The following CEP152 variants were observed in gnomAD, a reference collection of about 807,000 sequenced individuals.
The protein encoded by CEP152 is centrosomal protein 152.
A neutral mutation model predicts 188.9 loss-of-function variants in CEP152; 132 were observed. That is an observed-to-expected ratio of 0.70 (90% CI 0.61 to 0.81). The LOEUF (loss-of-function observed/expected upper bound fraction) is 0.81, where lower values mean the gene tolerates loss of function less well. Ranked by LOEUF, CEP152 falls within the 30% of genes least tolerant of loss-of-function variation. CEP152 has a pLI of 0.00. For missense variants in CEP152, 1,914 were observed against 1,969.8 expected, an observed-to-expected ratio of 0.97 and a Z score of 0.54; for synonymous variants, 649 against 666.6, an observed-to-expected ratio of 0.97 and a Z score of 0.41.
At chr15:48,794,306 T>C (rs1443254553) in intron 6 of CEP152, among the ~76,000 whole-genome samples, 2 of 152,208 alleles carry the variant, frequency 1.3e-5, no homozygotes, top group Non-Finnish European at 2.9e-5. Context: ...AACTACATAA[T>C]GATAAATATT....
chr15:48,789,803 C>A (rs1264930660), intron 8 of CEP152, among the ~76,000 whole-genome samples: 2 of 152,174 alleles, frequency 1.3e-5, no homozygotes, highest in African/African-American at 4.8e-5. Context: ...AATGGATTCT[C>A]CCCTAAAGCC....
intron 13 of CEP152, among the ~76,000 whole-genome samples, chr15:48,770,257 T>A (rs1895435740): frequency 6.6e-6 from 1 of 152,176 alleles, no homozygotes; most frequent in Non-Finnish European, 1.5e-5. Flanking sequence ...GGTGGGCAGA[T>A]CACTTGAGTC....
chr15:48,790,191 T>C (rs537310998), intron 8 of CEP152, among the ~76,000 whole-genome samples: 172 of 152,358 alleles, frequency 1.1e-3, no homozygotes, highest in African/African-American at 3.9e-3. Context: ...ATCCATCCAC[T>C]GAATGACACA....
chr15:48,762,591 T>C lies in CEP152; in HGVS notation c.2362A>G (p.Thr788Ala), dbSNP rs587783420. Residue 788 changes from threonine (T) to alanine (A), a missense_variant, in exon 18 of 27, where the codon ACC (threonine) becomes GCC (alanine). By Grantham distance (58) the Thr-to-Ala change is moderately conservative. Transcript: ENST00000380950. ...DQTIKAMKKKTLDCGSQTDQV... is the reference protein window; with the variant it reads ...DQTIKAMKKKALDCGSQTDQV... ...TCAGTTTGGCTGCCACAATCTAAGGTCTTCTTTTTCATTGCCTTTATAGTT... is the reference window on the plus strand; with the variant it reads ...TCAGTTTGGCTGCCACAATCTAAGGCCTTCTTTTTCATTGCCTTTATAGTT... 2 of 1,613,934 alleles carry C rather than the reference T, an allele frequency of 1.2e-6. No individual in the cohort carries two copies. Among genetic ancestry groups the C allele is most frequent in the Admixed American group, 1.7e-5 (1 of 60,004 alleles).
intron 19 of CEP152, among the ~76,000 whole-genome samples, chr15:48,758,620 G>C (rs1894445867): frequency 6.7e-6 from 1 of 150,208 alleles, no homozygotes; most frequent in African/African-American, 2.5e-5. Context: ...TTGGGAGGCA[G>C]AGGCAGGAGA....
Position 48,738,643 on chromosome 15 carries a change from G to T in CEP152, c.4739C>A (p.Thr1580Asn), listed in dbSNP as rs765028723. ...TGCTTCACGACTGTCAAAGGATAAG[G>T]TTGCACTGCTGGAAGGCCAGCCCAA... ...DCLGWPSSSA[T>N]LSFDSREASF... The change falls in exon 27 of 27, where the codon ACC becomes AAC. Residue 1580 changes from threonine (T) to asparagine (N), a missense_variant. Physicochemically the swap from Thr to Asn is moderately conservative, Grantham distance 65. Transcript: ENST00000380950. 27 of 1,614,028 alleles carry T rather than the reference G, an allele frequency of 1.7e-5. No homozygotes were observed. Among genetic ancestry groups the T allele is most frequent in the Non-Finnish European group, 2.2e-5 (26 of 1,180,030 alleles).
Position 48,793,359 on chromosome 15 carries a change from TG to T in CEP152, c.793del (p.Gln265LysfsTer5), listed in dbSNP as rs1214135201. 1.2e-6 allele frequency: 2 copies of T among 1,613,956 alleles called. No individual in the cohort carries two copies. The highest frequency in any genetic ancestry group is 1.7e-6 in the Non-Finnish European group (2 of 1,180,000). On this transcript the variant is annotated frameshift_variant, in exon 7 of 27. Coordinates refer to ENST00000380950, the MANE Select transcript of CEP152 (RefSeq NM_001194998.2). LOFTEE classifies it high-confidence loss of function. ...LIEKLNESER[Q>X]IRYLNHQLVI... ...AAGCTGGTGATTCAGATATCGAATT[TG>T]ACGTTCACTTTCATTTAACTTTTCA...
At chr15:48,785,085 T>A (rs1479365601) in intron 9 of CEP152, among the ~76,000 whole-genome samples, 1 of 152,062 alleles carries the variant, frequency 6.6e-6, no homozygotes, top group Non-Finnish European at 1.5e-5. Flanking sequence ...AGAAGAATAC[T>A]GAGAAAGGGC....
chr15:48,788,436 C>T (rs969628777), intron 9 of CEP152, among the ~76,000 whole-genome samples: 5 of 146,524 alleles, frequency 3.4e-5, no homozygotes, highest in East Asian at 4.2e-4. Flanking sequence ...CGGGTTCAAG[C>T]AATTCTCCTG....
At chr15:48,755,861 A>G (rs779689504) in intron 20 of CEP152, 42 bp downstream of exon 20, 28 of 1,610,924 alleles carry the variant, frequency 1.7e-5, no homozygotes, top group Non-Finnish European at 2.5e-6. Context: ...TTCTATAATC[A>G]TTCTTGGTGT....
At chr15:48,786,830 A>G (rs1467097047) in intron 9 of CEP152, among the ~76,000 whole-genome samples, 1 of 152,180 alleles carries the variant, frequency 6.6e-6, no homozygotes, top group Admixed American at 6.5e-5. Flanking sequence ...GAGTTCTTCT[A>G]TTGAAGGGGG....
chr15:48,779,301 C>T (rs890855774), intron 12 of CEP152, among the ~76,000 whole-genome samples: 6 of 152,172 alleles, frequency 3.9e-5, no homozygotes, highest in African/African-American at 1.4e-4. Context: ...GGTTCTGCTA[C>T]TAATTGTCTG....
chr15:48,810,692 G>T (rs1410433328), intron 1 of CEP152: 1 of 152,408 alleles, frequency 6.6e-6, no homozygotes, highest in African/African-American at 2.4e-5. Context: ...CCAAGGCGGG[G>T]TCCGCAGAGT....
chr15:48,786,722 G>C (rs531818117), intron 9 of CEP152, among the ~76,000 whole-genome samples: 18 of 152,222 alleles, frequency 1.2e-4, no homozygotes, highest in Non-Finnish European at 2.6e-4. Context: ...GGCAAAGAAC[G>C]TAACAGTGGG....
chr15:48,733,914 C>G (rs1892508371), downstream of CEP152, among the ~76,000 whole-genome samples: 1 of 151,822 alleles, frequency 6.6e-6, no homozygotes, highest in Non-Finnish European at 1.5e-5. Context: ...ACATACTGTC[C>G]TTCATATATA....
chr15:48,756,252 T>G lies in CEP152; in HGVS notation c.2996A>C (p.Glu999Ala), dbSNP rs1894252317. ...KINEVLAAAK[E>A]DFMKQKTELL... Reference sequence around the variant, plus strand: ...TTCAGTTTTTTGTTTCATAAAGTCTTCTTTAGCTGCCGCAAGCACCTCATT... The same window carrying G: ...TTCAGTTTTTTGTTTCATAAAGTCTGCTTTAGCTGCCGCAAGCACCTCATT... The change falls in exon 20 of 27, where the codon GAA becomes GCA. Residue 999 changes from glutamate (E) to alanine (A), a missense_variant. Glu to Ala is a moderately radical substitution (Grantham distance 107, BLOSUM62 -1). Coordinates refer to ENST00000380950, the MANE Select transcript of CEP152 (RefSeq NM_001194998.2). The G allele has an allele frequency of 1.2e-6, 2 of 1,602,474 alleles. No homozygotes were observed. The highest frequency in any genetic ancestry group is 2.7e-5 in the African/African-American group (2 of 74,336).
intron 18 of CEP152, among the ~76,000 whole-genome samples, chr15:48,760,499 T>C (rs1178805177): frequency 6.6e-6 from 1 of 152,194 alleles, no homozygotes; most frequent in Non-Finnish European, 1.5e-5. Context: ...TCTGTGAATG[T>C]TTGATGACCA....
At chr15:48,757,218 G>C (rs1316713484) in intron 19 of CEP152, among the ~76,000 whole-genome samples, 2 of 152,262 alleles carry the variant, frequency 1.3e-5, no homozygotes, top group East Asian at 3.9e-4. Context: ...ATGCTTAACA[G>C]AACAGAATCT....
At chr15:48,762,715 A>G (rs768968089) in intron 17 of CEP152, 43 bp from the exon 18 acceptor site, 3 of 1,595,210 alleles carry the variant, frequency 1.9e-6, no homozygotes, top group East Asian at 4.5e-5. Flanking sequence ...CAATTTTCAA[A>G]TAAGTAAAAA....
Sources: gnomAD v4.1 joint callset for allele counts (sites outside exome capture counted in the v4.1 genomes callset) on GRCh38, gnomAD v4.1.1 for gene constraint, MANE v1.5 for transcripts, NCBI Gene and HGNC (gene_info 2026-07-23, HGNC 2026-07-21) for gene names.